The following ELAVL1 variants were observed in gnomAD, a reference collection of about 807,000 sequenced individuals.
ELAVL1 encodes the protein ELAV like RNA binding protein 1.
A neutral mutation model predicts 28.4 loss-of-function variants in ELAVL1; 1 was observed. The ratio of observed to expected loss-of-function variants is 0.04; its 90% CI spans 0.01 to 0.17. ELAVL1 has a LOEUF of 0.17. Among genes scored for constraint, ELAVL1 ranks in the 10% least tolerant of loss-of-function variants. The pLI is 1.00. For synonymous variants in ELAVL1, 174 were observed against 183.5 expected (o/e 0.95, Z 0.42); for missense variants, 157 against 447.2 (o/e 0.35, Z 5.85).
intron 1 of ELAVL1, among the ~76,000 whole-genome samples, chr19:7,999,858 C>A (rs1368162508): frequency 6.6e-6 from 1 of 152,204 alleles, no homozygotes; most frequent in Non-Finnish European, 1.5e-5. Flanking sequence ...CTCACTGCAA[C>A]CTCCGCCTCC....
At chr19:7,966,308 C>T (rs959366002) in intron 5 of ELAVL1, among the ~76,000 whole-genome samples, 8 of 152,160 alleles carry the variant, frequency 5.3e-5, no homozygotes, top group Admixed American at 1.3e-4. Context: ...GTTTCTGAGG[C>T]GACAGCACAC....
chr19:7,996,635 A>C (rs2081050244), intron 1 of ELAVL1, among the ~76,000 whole-genome samples: 2 of 151,896 alleles, frequency 1.3e-5, no homozygotes, highest in South Asian at 2.1e-4. Flanking sequence ...GTGAAACCCC[A>C]TCTCTACAAA....
intron 1 of ELAVL1, among the ~76,000 whole-genome samples, chr19:7,992,520 C>A (rs1265800229): frequency 6.6e-6 from 1 of 152,138 alleles, no homozygotes; most frequent in Non-Finnish European, 1.5e-5. Flanking sequence ...GATTCCAACT[C>A]TATGACCTTC....
At chr19:8,005,262 G>A (rs1209446109) in intron 1 of ELAVL1, among the ~76,000 whole-genome samples, 1 of 151,616 alleles carries the variant, frequency 6.6e-6, no homozygotes, top group Admixed American at 6.6e-5. Context: ...TATCCCCCTC[G>A]CCCGTCCCTC....
chr19:7,964,562 T>G (rs937128000), intron 5 of ELAVL1, among the ~76,000 whole-genome samples: 2 of 152,076 alleles, frequency 1.3e-5, no homozygotes, highest in African/African-American at 4.8e-5. Context: ...GGGCCAGGCA[T>G]GGTGGCTCAA....
chr19:8,001,571 T>G (rs2081067935), intron 1 of ELAVL1, among the ~76,000 whole-genome samples: 1 of 152,192 alleles, frequency 6.6e-6, no homozygotes, highest in South Asian at 2.1e-4. Flanking sequence ...CATCGAGCTG[T>G]TCAGGATTGT....
In ELAVL1 at chr19:7,979,540, T is replaced by C. The variant is rs1568311543; in HGVS notation, c.276+1543A>G. On this transcript the variant is annotated intron_variant, in intron 3 of 5. Coordinates refer to ENST00000407627, the MANE Select transcript of ELAVL1 (RefSeq NM_001419.3). This position sits in a 1 kb window ranked among gnomAD's most constrained non-coding sequence, Gnocchi z 5.4. ...CAGAAACAAGAACCTTCACACATTT[T>C]CTAAATAGGGGAGAGAATTCCTAGA... 6.6e-6 allele frequency among the ~76,000 whole-genome samples: 1 copy of C among 152,194 alleles called. No individual in the cohort carries two copies. The highest frequency in any genetic ancestry group is 1.5e-5 in the Non-Finnish European group (1 of 68,034).
intron 4 of ELAVL1, among the ~76,000 whole-genome samples, chr19:7,972,484 C>T (rs973627892): frequency 3.9e-5 from 6 of 152,226 alleles, no homozygotes; most frequent in African/African-American, 9.6e-5. Context: ...TAGAGGAATT[C>T]GCTGCCATGT....
rs1003407284 is a variant in ELAVL1, at chr19:7,963,151, C to T, written c.*332G>A. 1.3e-5 allele frequency: 3 copies of T among 228,386 alleles called. No individual in the cohort carries two copies. Among genetic ancestry groups the T allele is most frequent in the Non-Finnish European group, 2.6e-5 (3 of 115,936 alleles). The allele number at this position is 228,386 out of a possible 1,614,324, so 14.1% of individuals were successfully genotyped here. A position where few individuals can be genotyped will look rare whatever the true frequency, so the allele number is the denominator to read the frequency against. On this transcript the variant is annotated 3_prime_UTR_variant, in exon 6 of 6. Coordinates refer to ENST00000407627, the MANE Select transcript of ELAVL1 (RefSeq NM_001419.3). This position sits in a 1 kb window ranked among gnomAD's most constrained non-coding sequence, Gnocchi z 4.5. ...CAGTCTGTGGAGACATTGAATGAAACGCGTGTTAGACAGTCTTAGAGGTTA... is the reference window on the plus strand; with the variant it reads ...CAGTCTGTGGAGACATTGAATGAAATGCGTGTTAGACAGTCTTAGAGGTTA...
intron 1 of ELAVL1, among the ~76,000 whole-genome samples, chr19:8,003,756 T>C (rs1226717711): frequency 6.6e-6 from 1 of 151,996 alleles, no homozygotes; most frequent in Non-Finnish European, 1.5e-5. Flanking sequence ...ACTGAAACTC[T>C]GTCTGCTCAA....
intron 1 of ELAVL1, among the ~76,000 whole-genome samples, chr19:7,996,584 T>A (rs548041643): frequency 2.0e-5 from 3 of 151,586 alleles, no homozygotes; most frequent in Non-Finnish European, 4.4e-5. Flanking sequence ...GGTGGGTGGA[T>A]CACCTGAGGT....
Position 7,973,721 on chromosome 19 carries a change from G to A in ELAVL1, c.430+4C>T. 6.2e-7 allele frequency: 1 copy of A among 1,612,914 alleles called. No homozygotes were observed. On this transcript the variant is annotated splice_donor_region_variant and intron_variant, in intron 4 of 5. Coordinates refer to ENST00000407627, the MANE Select transcript of ELAVL1 (RefSeq NM_001419.3). ...TCCCCACGCGTCTGGGGCCCCTCTG[G>A]TACCTGTAGTCTGATCCACGAGGAC...
chr19:7,973,617 G>T, intron 4 of ELAVL1, 108 bp downstream of exon 4: 1 of 1,380,566 alleles, frequency 7.2e-7, no homozygotes, highest in Non-Finnish European at 9.9e-7. Flanking sequence ...GTCCTCGTTT[G>T]CGGAATAACT....
At chr19:7,996,328 C>T (rs1054516606) in intron 1 of ELAVL1, among the ~76,000 whole-genome samples, 9 of 152,018 alleles carry the variant, frequency 5.9e-5, no homozygotes, top group African/African-American at 2.2e-4. Context: ...ACTACAGGCG[C>T]CCGCCACCAT....
chr19:8,003,465 G>A (rs977003540), intron 1 of ELAVL1, among the ~76,000 whole-genome samples: 2 of 151,354 alleles, frequency 1.3e-5, no homozygotes, highest in African/African-American at 4.9e-5. Flanking sequence ...GGCCGAGGCG[G>A]GCGGATCACA....
intron 1 of ELAVL1, among the ~76,000 whole-genome samples, chr19:7,995,530 T>C (rs1424158406): frequency 6.6e-6 from 1 of 152,180 alleles, no homozygotes; most frequent in African/African-American, 2.4e-5. Flanking sequence ...TAAAGTTTTA[T>C]TGGAATACAG....
rs1424254460 is a variant in ELAVL1, at chr19:7,961,774, C to T, written c.*1709G>A. The T allele has an allele frequency of 6.6e-6, 1 of 152,172 alleles. No homozygotes were observed. The highest frequency in any genetic ancestry group is 1.5e-5 in the Non-Finnish European group (1 of 68,046). 9.4% of individuals were successfully genotyped at this position (152,172 alleles called of 1,614,324 possible). On this transcript the variant is annotated 3_prime_UTR_variant, in exon 6 of 6. Transcript: ENST00000407627. ...ATGGGCATCCTCAATTGTCCAGGGG[C>T]CTCTCGAGACGCTGACCTGCTCTGG...
At chr19:7,990,223 T>C (rs896412877) in intron 2 of ELAVL1, among the ~76,000 whole-genome samples, 13 of 152,138 alleles carry the variant, frequency 8.5e-5, no homozygotes, top group Non-Finnish European at 2.9e-5. Context: ...GGTTTCACCA[T>C]GTTGGCCAGG....
intron 4 of ELAVL1, among the ~76,000 whole-genome samples, chr19:7,971,888 T>C (rs1017553577): frequency 2.6e-5 from 4 of 152,270 alleles, no homozygotes; most frequent in African/African-American, 9.6e-5. Flanking sequence ...AGCACGCAGC[T>C]CAGGGGACGC....
Sources: allele counts gnomAD v4.1 joint callset (sites outside exome capture counted in the v4.1 genomes callset), GRCh38; gene constraint gnomAD v4.1.1; non-coding constraint Gnocchi (gnomAD v3.1); transcripts MANE v1.5; gene names NCBI Gene and HGNC (gene_info 2026-07-23, HGNC 2026-07-21).